The following XPR1 variants were observed in gnomAD, a reference collection of about 807,000 sequenced individuals.
XPR1 encodes xenotropic and polytropic retrovirus receptor 1, also known as solute carrier family 53 member 1.
Under a neutral mutation model 87.5 loss-of-function variants are expected in XPR1, and 28 were observed. The observed-to-expected ratio is 0.32, with a 90% CI of 0.24 to 0.44. The LOEUF is 0.44. XPR1 is among the 20% of genes least tolerant of loss of function. The pLI, the probability that XPR1 is intolerant of heterozygous loss-of-function variation, is 1.00. For missense variants in XPR1, 559 were observed against 862.3 expected (o/e 0.65, Z 4.41); for synonymous variants, 300 against 306.1 (o/e 0.98, Z 0.21).
At chr1:180,688,427 A>G (rs563445741) in intron 2 of XPR1, among the ~76,000 whole-genome samples, 1 of 151,974 alleles carries the variant, frequency 6.6e-6, no homozygotes, top group African/African-American at 2.4e-5. Flanking sequence ...AATTTTTACT[A>G]TTTTGTTATC....
At position 180,854,025 on chromosome 1, in the gene XPR1, C is replaced by A. The variant is rs187726823; in HGVS notation, c.1502-9683C>A. On this transcript the variant is annotated intron_variant, in intron 11 of 14. Coordinates refer to ENST00000367590, the MANE Select transcript of XPR1 (RefSeq NM_004736.4). ...TTGTTGTAAAGGAAAAAAATGATGT[C>A]TACAAAATGTTAGAACAATGCCGTT... is the stretch of plus-strand genomic sequence containing the variant. Among the ~76,000 whole-genome samples the A allele has an allele frequency of 4.4e-3, 664 of 152,178 alleles. 3 individuals are homozygous for A. Among genetic ancestry groups the A allele is most frequent in the African/African-American group, 0.015 (627 of 41,512 alleles).
At chr1:180,822,575 G>A (rs1218181405) in intron 7 of XPR1, among the ~76,000 whole-genome samples, 1 of 152,072 alleles carries the variant, frequency 6.6e-6, no homozygotes, top group Non-Finnish European at 1.5e-5. Flanking sequence ...AATGGTGTCA[G>A]GTGTAATAGG....
chr1:180,632,843 A>C (rs1654636898), intron 1 of XPR1, among the ~76,000 whole-genome samples: 1 of 152,198 alleles, frequency 6.6e-6, no homozygotes, highest in Non-Finnish European at 1.5e-5. Flanking sequence ...AACTTGACTT[A>C]AGTGTGTATC....
intron 1 of XPR1, among the ~76,000 whole-genome samples, chr1:180,656,541 ATT>A (rs1491410670): frequency 1.1e-5 from 1 of 90,080 alleles, no homozygotes. Context: ...TATATATAAT[ATT>A]TATATATTTA....
intron 4 of XPR1, among the ~76,000 whole-genome samples, chr1:180,805,628 T>C (rs191458503): frequency 3.3e-5 from 5 of 152,316 alleles, no homozygotes; most frequent in Admixed American, 2.6e-4. Context: ...CCTGTACCAG[T>C]CCTTCCAAAA....
intron 1 of XPR1, among the ~76,000 whole-genome samples, chr1:180,666,388 C>G (rs1318555592): frequency 6.6e-6 from 1 of 152,132 alleles, no homozygotes; most frequent in Non-Finnish European, 1.5e-5. Context: ...GTATTGACAT[C>G]TTAACAATAT....
intron 1 of XPR1, among the ~76,000 whole-genome samples, chr1:180,668,546 A>C (rs1210356395): frequency 6.6e-6 from 1 of 152,188 alleles, no homozygotes; most frequent in Non-Finnish European, 1.5e-5. Flanking sequence ...ATTCACAGCT[A>C]TAAATTTGCC....
At chr1:180,705,862 G>T (rs181380770) in intron 2 of XPR1, among the ~76,000 whole-genome samples, 3 of 152,238 alleles carry the variant, frequency 2.0e-5, no homozygotes, top group East Asian at 1.9e-4. Flanking sequence ...CAGTTTATTC[G>T]CAATGGCCAT....
At chr1:180,732,192 CAAAA>C (rs5779071) in intron 2 of XPR1, among the ~76,000 whole-genome samples, 4 of 107,784 alleles carry the variant, frequency 3.7e-5, no homozygotes, top group Non-Finnish European at 3.8e-5. Context: ...GACTCCATCT[CAAAA>C]AAAAAAAAAA....
At chr1:180,683,945 G>C (rs1656675415) in intron 2 of XPR1, among the ~76,000 whole-genome samples, 1 of 152,036 alleles carries the variant, frequency 6.6e-6, no homozygotes, top group Non-Finnish European at 1.5e-5. Context: ...TTCTTTTGCT[G>C]TGCAGAAGCT....
At chr1:180,801,356 G>A (rs1649775723) in intron 3 of XPR1, among the ~76,000 whole-genome samples, 2 of 152,214 alleles carry the variant, frequency 1.3e-5, no homozygotes, top group African/African-American at 4.8e-5. Context: ...AGAGGCGTAA[G>A]AGTGGTCCCT....
rs1656402464 is a variant in XPR1 at position 180,677,393 on chromosome 1, C to T, written c.70-4967C>T. 1.3e-5 allele frequency among the ~76,000 whole-genome samples: 2 copies of T among 152,074 alleles called. 1 individual carries two copies. Among genetic ancestry groups the T allele is most frequent in the South Asian group, 4.1e-4 (2 of 4,828 alleles). ...AAGGATAATTTGGTGGGTAGTAAGC[C>T]AGTAAATCGGGAGTGCTGATTGGTT... On this transcript the variant is annotated intron_variant, in intron 1 of 14. Coordinates refer to ENST00000367590, the MANE Select transcript of XPR1 (RefSeq NM_004736.4).
At chr1:180,852,050 T>G (rs1651882747) in intron 11 of XPR1, among the ~76,000 whole-genome samples, 1 of 151,480 alleles carries the variant, frequency 6.6e-6, no homozygotes, top group Non-Finnish European at 1.5e-5. Context: ...AAACCTCCTC[T>G]TGGAGCTCAC....
At chr1:180,754,563 C>A (rs1320378693) in intron 2 of XPR1, among the ~76,000 whole-genome samples, 1 of 152,046 alleles carries the variant, frequency 6.6e-6, no homozygotes, top group African/African-American at 2.4e-5. Context: ...TGGGCTCAAT[C>A]AATCCGCCCA....
chr1:180,695,128 C>T (rs1023654622), intron 2 of XPR1, among the ~76,000 whole-genome samples: 2 of 151,990 alleles, frequency 1.3e-5, no homozygotes, highest in African/African-American at 4.8e-5. Context: ...TTTTGATTTG[C>T]GTTTCCCTGA....
intron 13 of XPR1, among the ~76,000 whole-genome samples, chr1:180,876,011 A>G (rs1652652104): frequency 6.6e-6 from 1 of 152,196 alleles, no homozygotes; most frequent in African/African-American, 2.4e-5. Context: ...AATCTGTATT[A>G]AAGAAATTAA....
chr1:180,666,599 C>G (rs1377182254), intron 1 of XPR1, among the ~76,000 whole-genome samples: 1 of 152,040 alleles, frequency 6.6e-6, no homozygotes, highest in African/African-American at 2.4e-5. Flanking sequence ...TTGTTGTTTC[C>G]TTTTCAGATT....
At chr1:180,879,936 T>A in intron 13 of XPR1, 140 bp from the exon 14 acceptor site, 1 of 840,674 alleles carries the variant, frequency 1.2e-6, no homozygotes, top group Non-Finnish European at 1.9e-6. Context: ...CGCAACACCA[T>A]CTTTCCCTAT....
At chr1:180,765,182 A>G (rs903249588) in intron 2 of XPR1, among the ~76,000 whole-genome samples, 17 of 152,208 alleles carry the variant, frequency 1.1e-4, no homozygotes, top group African/African-American at 4.1e-4. Context: ...AGGTAAGTGC[A>G]GAGAGTAAGT....
Sources: allele counts gnomAD v4.1 joint callset (sites outside exome capture counted in the v4.1 genomes callset), GRCh38; gene constraint gnomAD v4.1.1; transcripts MANE v1.5; gene names NCBI Gene and HGNC (gene_info 2026-07-23, HGNC 2026-07-21).